Variants in OAS3 observed in about 807,000 individuals in gnomAD.
OAS3 encodes the protein 2'-5'-oligoadenylate synthetase 3.
OAS3 carries 107 observed loss-of-function variants against 113.0 expected under a neutral mutation model. That is an observed-to-expected ratio of 0.95 (90% CI 0.81 to 1.11). The LOEUF is 1.11. OAS3 is among the 50% of genes most tolerant of loss of function. The pLI is 0.00. For missense variants in OAS3, 1,258 were observed against 1,389.1 expected, an observed-to-expected ratio of 0.91 and a Z score of 1.50; for synonymous variants, 552 against 573.6, an observed-to-expected ratio of 0.96 and a Z score of 0.54.
chr12:112,944,408 GC>G, intron 2 of OAS3, 67 bp from the exon 3 acceptor site: 1 of 1,573,918 alleles, frequency 6.4e-7, no homozygotes, highest in Non-Finnish European at 8.7e-7. Flanking sequence ...GCTGAGCTCG[GC>G]ACCAACACCG....
At chr12:112,938,743 G>GGGCAAAT (rs2136340974) in intron 1 of OAS3, 36 bp downstream of exon 1, 1 of 1,471,408 alleles carries the variant, frequency 6.8e-7, no homozygotes, top group South Asian at 1.3e-5. Context: ...TGTGTCCAAA[G>GGGCAAAT]GGGAGTCCTG....
In OAS3 at chr12:112,969,743, A is replaced by G. The variant is rs368805548; in HGVS notation, c.3240A>G (p.Pro1080=). ...CMGRNGIPIQ[P]WPVKAAV ...GACGGAATGGCATCCCCATCCAGCC[A>G]TGGCCAGTGAAGGTGAGAGATCTGT... The change falls in exon 15 of 16, where the codon CCA becomes CCG. Residue 1080 remains proline (P), a synonymous_variant. Transcript: ENST00000228928. 2.5e-6 allele frequency: 4 copies of G among 1,612,844 alleles called. No individual in the cohort carries two copies. Among genetic ancestry groups the G allele is most frequent in the Non-Finnish European group, 3.4e-6 (4 of 1,179,492 alleles).
chr12:112,962,954 G>A (rs1593183773), intron 9 of OAS3, 52 bp downstream of exon 9: 13 of 1,602,776 alleles, frequency 8.1e-6, no homozygotes, highest in Middle Eastern at 3.3e-4. Flanking sequence ...CCTCCCCACT[G>A]TCACCCTGGA....
chr12:112,945,619 A>T (rs1190186472), intron 3 of OAS3, among the ~76,000 whole-genome samples: 1 of 152,140 alleles, frequency 6.6e-6, no homozygotes, highest in Non-Finnish European at 1.5e-5. Flanking sequence ...TGGACCAGTC[A>T]TCATAAGCAG....
Position 112,963,428 on chromosome 12 carries a change from G to A in OAS3, c.2200G>A (p.Gly734Arg), listed in dbSNP as rs115112768. 38 of 1,551,082 alleles carry A rather than the reference G, an allele frequency of 2.4e-5. No homozygotes were observed. Among genetic ancestry groups the A allele is most frequent in the African/African-American group, 9.6e-5 (7 of 73,152 alleles). Residue 734 changes from glycine to arginine, a missense_variant, in exon 10 of 16, where the codon GGG becomes AGG. Transcript: ENST00000228928. The surrounding 1 kb of genome is among the most constrained non-coding windows in gnomAD (Gnocchi z 4.6). ...GMQACFLSRD[G>R]TSVQPWDVMP... ...GCAGGCCTGCTTTCTGAGTAGAGACGGGACATCTGTGCAGCCCTGGGATGT... is the reference window on the plus strand; with the variant it reads ...GCAGGCCTGCTTTCTGAGTAGAGACAGGACATCTGTGCAGCCCTGGGATGT...
At chr12:112,965,204 CT>C (rs1243218814) in intron 11 of OAS3, among the ~76,000 whole-genome samples, 1 of 152,238 alleles carries the variant, frequency 6.6e-6, no homozygotes, top group Non-Finnish European at 1.5e-5. Flanking sequence ...TGCTGGTTTG[CT>C]GTGTGACCAT....
At chr12:112,939,328 T>C (rs2043659173) in intron 1 of OAS3, among the ~76,000 whole-genome samples, 1 of 128,574 alleles carries the variant, frequency 7.8e-6, no homozygotes, top group African/African-American at 3.7e-5. Flanking sequence ...TTTTTTTTTT[T>C]TTTTTTTTTG....
At chr12:112,941,883 G>T in intron 2 of OAS3, 31 bp downstream of exon 2, 2 of 1,613,790 alleles carry the variant, frequency 1.2e-6, no homozygotes, top group Non-Finnish European at 1.7e-6. Flanking sequence ...TCCAGGGTTG[G>T]GGGCAAAAGA....
In OAS3 at chr12:112,973,032, A is replaced by C. The variant is rs1261914069; in HGVS notation, c.*3059A>C. 1.3e-5 allele frequency: 2 copies of C among 152,206 alleles called. No homozygotes were observed. The highest frequency in any genetic ancestry group is 2.4e-5 in the African/African-American group (1 of 41,448). The allele number at this position is 152,206 out of a possible 1,614,324, so 9.4% of individuals were successfully genotyped here. On this transcript the variant is annotated 3_prime_UTR_variant, in exon 16 of 16. Transcript: ENST00000228928. Reference sequence around the variant, plus strand: ...TAAGATTTATACTTGGTGTCTATTCATAAGACTTATATCCAGCATATTCAT... The same window carrying C: ...TAAGATTTATACTTGGTGTCTATTCCTAAGACTTATATCCAGCATATTCAT...
In OAS3 at chr12:112,965,881, G is replaced by A. The variant is rs1182334347; in HGVS notation, c.2541G>A (p.Leu847=). ...AEIISEIRAQ[L]EACQQERQFE... ...TCATCTCCGAGATCCGAGCCCAGCTGGAGGCATGTCAACAGGAGCGGCAGT... is the reference window on the plus strand; with the variant it reads ...TCATCTCCGAGATCCGAGCCCAGCTAGAGGCATGTCAACAGGAGCGGCAGT... The change falls in exon 12 of 16, where the codon CTG becomes CTA. Residue 847 remains leucine, a synonymous_variant. Transcript: ENST00000228928. The A allele has an allele frequency of 1.2e-6, 2 of 1,613,692 alleles. No homozygotes were observed. Among genetic ancestry groups the A allele is most frequent in the Non-Finnish European group, 1.7e-6 (2 of 1,179,782 alleles).
chr12:112,960,937 T>G, intron 7 of OAS3, 134 bp from the exon 8 acceptor site: 1 of 818,646 alleles, frequency 1.2e-6, no homozygotes, highest in Non-Finnish European at 2.0e-6. Context: ...TTATTCAATG[T>G]TATAGTGTAT....
rs867710602 is a variant in OAS3, at chr12:112,963,349, C to T, written c.2121C>T (p.Asn707=). The change falls in exon 10 of 16, where the codon AAC becomes AAT. Residue 707 remains asparagine (N), a synonymous_variant. Transcript: ENST00000228928. This position sits in a 1 kb window ranked among gnomAD's most constrained non-coding sequence, Gnocchi z 4.6. Reference sequence around the variant, plus strand: ...TGGACCCCGCTGATCCCACCTGGAACGTGGGCCACGGTAGCTGGGAGCTGT... The same window carrying T: ...TGGACCCCGCTGATCCCACCTGGAATGTGGGCCACGGTAGCTGGGAGCTGT... ...LVLDPADPTW[N]VGHGSWELLA... 2 of 1,567,096 alleles carry T rather than the reference C, an allele frequency of 1.3e-6. No homozygotes were observed. Among genetic ancestry groups the T allele is most frequent in the Non-Finnish European group, 1.7e-6 (2 of 1,155,502 alleles).
At chr12:112,966,584 T>A (rs1396991975) in intron 12 of OAS3, among the ~76,000 whole-genome samples, 3 of 152,244 alleles carry the variant, frequency 2.0e-5, no homozygotes, top group Non-Finnish European at 4.4e-5. Flanking sequence ...AATTCCCTTG[T>A]ATCCGAATTT....
rs370563810 is a variant in OAS3, at chr12:112,949,159, G to A, written c.1328G>A (p.Arg443His). ...QVKKAIDIIL[R>H]CLHENCVHKA... ...AAAAAGGCCATTGACATCATCTTGC[G>A]CTGCCTCCATGAGAACTGTGTTCAC... Residue 443 changes from arginine to histidine, a missense_variant, in exon 6 of 16, where the codon CGC becomes CAC. Physicochemically the swap from Arg to His is conservative, Grantham distance 29 (BLOSUM62 0). Coordinates refer to ENST00000228928, the MANE Select transcript of OAS3 (RefSeq NM_006187.4). The A allele has an allele frequency of 4.0e-5, 64 of 1,613,400 alleles. No individual in the cohort carries two copies. The highest frequency in any genetic ancestry group is 5.1e-5 in the Non-Finnish European group (60 of 1,179,882).
intron 2 of OAS3, 40 bp from the exon 3 acceptor site, chr12:112,944,436 C>T (rs761812325): frequency 3.1e-6 from 5 of 1,612,250 alleles, no homozygotes; most frequent in East Asian, 2.2e-5. Flanking sequence ...ATCCTGTGTC[C>T]TCAGTGCCCT....
At chr12:112,952,576 A>G (rs1307837729) in intron 7 of OAS3, among the ~76,000 whole-genome samples, 1 of 152,188 alleles carries the variant, frequency 6.6e-6, no homozygotes, top group East Asian at 1.9e-4. Flanking sequence ...AACCCTATTA[A>G]TATAATTAAC....
chr12:112,962,506 C>T (rs1407598247), intron 8 of OAS3, 146 bp from the exon 9 acceptor site: 8 of 978,198 alleles, frequency 8.2e-6, no homozygotes, highest in Non-Finnish European at 1.2e-5. Context: ...CCTCAGTTTA[C>T]CCACCTGTAA....
intron 4 of OAS3, among the ~76,000 whole-genome samples, chr12:112,947,193 C>A (rs944986094): frequency 6.6e-6 from 1 of 152,162 alleles, no homozygotes; most frequent in Non-Finnish European, 1.5e-5. Context: ...CCTGGCCCCA[C>A]AAGTTTTATG....
chr12:112,958,319 T>A (rs1395051837), intron 7 of OAS3, among the ~76,000 whole-genome samples: 1 of 152,258 alleles, frequency 6.6e-6, no homozygotes, highest in African/African-American at 2.4e-5. Flanking sequence ...TTATTACCAA[T>A]TGTCTGAAGC....
Sources: allele counts gnomAD v4.1 joint callset (sites outside exome capture counted in the v4.1 genomes callset), GRCh38; gene constraint gnomAD v4.1.1; non-coding constraint Gnocchi (gnomAD v3.1); transcripts MANE v1.5; gene names NCBI Gene and HGNC (gene_info 2026-07-23, HGNC 2026-07-21).